The following SGMS1 variants were observed in gnomAD, a reference collection of about 807,000 sequenced individuals.
SGMS1 encodes the protein phosphatidylcholine:ceramide cholinephosphotransferase 1.
In SGMS1, 13 loss-of-function variants were observed where a neutral mutation model predicts 46.2. The ratio of observed to expected loss-of-function variants is 0.28; its 90% CI spans 0.18 to 0.45. SGMS1 has a LOEUF of 0.45. SGMS1 is among the 20% of genes least tolerant of loss of function. The pLI, the probability that SGMS1 is intolerant of heterozygous loss-of-function variation, is 1.00. For synonymous variants in SGMS1, 203 were observed against 187.8 expected (o/e 1.08, Z -0.66); for missense variants, 324 against 519.9 (o/e 0.62, Z 3.66).
Position 50,305,656 on chromosome 10 carries a change from G to C in SGMS1, c.*1486C>G, listed in dbSNP as rs1350176672. ...TGCATTTTGATTAATTTATGATCTA[G>C]GTAAGCTGTAAGATACCAGTATACT... On this transcript the variant is annotated 3_prime_UTR_variant, in exon 11 of 11. Transcript: ENST00000361781. The C allele has an allele frequency of 1.3e-5, 2 of 152,574 alleles. No individual in the cohort carries two copies. Among genetic ancestry groups the C allele is most frequent in the Admixed American group, 6.6e-5 (1 of 15,256 alleles). 9.5% of individuals were successfully genotyped at this position (152,574 alleles called of 1,614,324 possible).
intron 1 of SGMS1, among the ~76,000 whole-genome samples, chr10:50,591,728 T>C (rs1268350985): frequency 2.0e-5 from 3 of 152,242 alleles, no homozygotes; most frequent in Non-Finnish European, 2.9e-5. Flanking sequence ...AGGATTTTCC[T>C]TTCATTTTTA....
chr10:50,378,494 T>G (rs1310862914), intron 6 of SGMS1, among the ~76,000 whole-genome samples: 1 of 152,218 alleles, frequency 6.6e-6, no homozygotes, highest in Non-Finnish European at 1.5e-5. Context: ...TCCTAAAGTC[T>G]GTCCTAGGCA....
chr10:50,525,553 C>T (rs915436307), intron 2 of SGMS1, among the ~76,000 whole-genome samples: 1 of 152,156 alleles, frequency 6.6e-6, no homozygotes, highest in Admixed American at 6.5e-5. Context: ...AAATAAAAAT[C>T]AAGCAAAGTC....
At chr10:50,517,742 C>T (rs1039842060) in intron 3 of SGMS1, among the ~76,000 whole-genome samples, 1 of 151,938 alleles carries the variant, frequency 6.6e-6, no homozygotes, top group Non-Finnish European at 1.5e-5. Context: ...TGTAATGAAA[C>T]TGCTGAACAC....
chr10:50,407,618 C>T (rs907210106), intron 6 of SGMS1, among the ~76,000 whole-genome samples: 3 of 147,618 alleles, frequency 2.0e-5, no homozygotes, highest in Non-Finnish European at 2.9e-5. Flanking sequence ...TTACCGCATT[C>T]CCCCCGCCGT....
At chr10:50,437,490 C>A (rs1473919158) in intron 5 of SGMS1, among the ~76,000 whole-genome samples, 1 of 152,172 alleles carries the variant, frequency 6.6e-6, no homozygotes, top group African/African-American at 2.4e-5. Context: ...TAGCTTTAGT[C>A]TTTGTTCTTA....
At position 50,361,159 on chromosome 10, in the gene SGMS1, C is replaced by T. The variant is rs531822269; in HGVS notation, c.-231-16814G>A. Among the ~76,000 whole-genome samples, 4 of 152,298 alleles carry T rather than the reference C, an allele frequency of 2.6e-5. No individual in the cohort carries two copies. The East Asian group carries it at 7.7e-4, about 29-fold the overall frequency. On this transcript the variant is annotated intron_variant, in intron 6 of 10. Transcript: ENST00000361781. The stretch of plus-strand genomic sequence containing the variant: ...GAAAGCATCTATGGGAGAAAAAGTT[C>T]TGATCCTTCTTTTCCTCCCTTTCCT...
intron 2 of SGMS1, among the ~76,000 whole-genome samples, chr10:50,558,013 T>A (rs1480995555): frequency 2.0e-5 from 3 of 152,352 alleles, no homozygotes; most frequent in Non-Finnish European, 4.4e-5. Flanking sequence ...TATATAATCC[T>A]CACAGCTGCC....
chr10:50,421,461 A>G (rs1849253633), intron 6 of SGMS1, among the ~76,000 whole-genome samples: 1 of 152,196 alleles, frequency 6.6e-6, no homozygotes, highest in Non-Finnish European at 1.5e-5. Context: ...GTGGCAGGAA[A>G]TAAAACTGAA....
intron 6 of SGMS1, among the ~76,000 whole-genome samples, chr10:50,416,795 T>C (rs1564907614): frequency 6.6e-6 from 1 of 150,684 alleles, no homozygotes. Context: ...AATTATTCCA[T>C]TTAGAAGTGG....
intron 2 of SGMS1, among the ~76,000 whole-genome samples, chr10:50,554,131 T>G (rs1838171310): frequency 1.3e-5 from 2 of 152,174 alleles, no homozygotes; most frequent in Admixed American, 1.3e-4. Context: ...AAATATGGGA[T>G]CACCATTAGT....
intron 1 of SGMS1, among the ~76,000 whole-genome samples, chr10:50,593,871 G>A (rs1261261911): frequency 6.6e-6 from 1 of 152,126 alleles, no homozygotes; most frequent in Non-Finnish European, 1.5e-5. Flanking sequence ...ACCCTCTGGG[G>A]ATTTTGCAAT....
intron 3 of SGMS1, among the ~76,000 whole-genome samples, chr10:50,483,573 A>G (rs1046871591): frequency 2.6e-5 from 4 of 152,180 alleles, no homozygotes; most frequent in African/African-American, 7.2e-5. Context: ...CTCCTCCCCA[A>G]AACAAAAGAA....
At chr10:50,417,603 T>G (rs1589431700) in intron 6 of SGMS1, among the ~76,000 whole-genome samples, 1 of 152,140 alleles carries the variant, frequency 6.6e-6, no homozygotes, top group African/African-American at 2.4e-5. Context: ...CCAAGCTCAT[T>G]CACAAGCCAG....
rs141150665 is a variant in SGMS1 at position 50,328,927 on chromosome 10, T to C, written c.624-1605A>G. Among the ~76,000 whole-genome samples, 426 of 152,354 alleles carry C rather than the reference T, an allele frequency of 2.8e-3. 3 individuals are homozygous for C. The highest frequency in any genetic ancestry group is 7.3e-3 in the African/African-American group (303 of 41,586). ...GTAAATTCTACATTGTAAGACATAATGGTCATCTTTCTTTAAAAGAAAATG... is the reference window on the plus strand; with the variant it reads ...GTAAATTCTACATTGTAAGACATAACGGTCATCTTTCTTTAAAAGAAAATG... On this transcript the variant is annotated intron_variant, in intron 7 of 10. Transcript: ENST00000361781.
At chr10:50,538,673 T>A (rs1838025805) in intron 2 of SGMS1, among the ~76,000 whole-genome samples, 2 of 152,120 alleles carry the variant, frequency 1.3e-5, no homozygotes, top group Admixed American at 6.6e-5. Flanking sequence ...AGGAGAGGGA[T>A]GACACCATTC....
rs1301542905 is a variant in SGMS1 at position 50,381,076 on chromosome 10, G to GTC, written c.-231-36733_-231-36732dup. 2.7e-5 allele frequency among the ~76,000 whole-genome samples: 4 copies of GTC among 150,350 alleles called. No homozygotes were observed. The East Asian group carries it at 7.8e-4, about 29-fold the overall frequency. On this transcript the variant is annotated intron_variant, in intron 6 of 10. Coordinates refer to ENST00000361781, the MANE Select transcript of SGMS1 (RefSeq NM_147156.4). ...ACTCCTGCACTCAAGTGATCCTCCT[G>GTC]TCTCAGCCTCCCAAATTGCTGAGAT...
At chr10:50,521,797 T>C (rs780494815) in intron 2 of SGMS1, among the ~76,000 whole-genome samples, 3 of 152,224 alleles carry the variant, frequency 2.0e-5, no homozygotes, top group Non-Finnish European at 4.4e-5. Flanking sequence ...TTTTCTTCTC[T>C]GGATATCACA....
At chr10:50,563,742 CAAAAAAAAAAA>C (rs60882939) in intron 2 of SGMS1, among the ~76,000 whole-genome samples, 8 of 65,754 alleles carry the variant, frequency 1.2e-4, no homozygotes, top group African/African-American at 3.5e-4. Context: ...GACTCCGTCT[CAAAAAAAAAAA>C]AAAAAAAAAA....
Sources: gnomAD v4.1 joint callset for allele counts (sites outside exome capture counted in the v4.1 genomes callset) on GRCh38, gnomAD v4.1.1 for gene constraint, MANE v1.5 for transcripts, NCBI Gene and HGNC (gene_info 2026-07-23, HGNC 2026-07-21) for gene names.